The following GARNL3 variants were observed in gnomAD, a reference collection of about 807,000 sequenced individuals.
GARNL3 encodes the protein GTPase-activating Rap/Ran-GAP domain-like protein 3.
GARNL3 carries 63 observed loss-of-function variants against 125.0 expected under a neutral mutation model. The observed-to-expected ratio is 0.50, with a 90% confidence interval of 0.41 to 0.62. The LOEUF is 0.62. GARNL3 is among the 20% of genes least tolerant of loss of function. GARNL3 has a pLI of 0.00. For synonymous variants in GARNL3, 439 were observed against 457.5 expected (o/e 0.96, Z 0.52); for missense variants, 994 against 1,244.0 (o/e 0.80, Z 3.02).
intron 2 of GARNL3, among the ~76,000 whole-genome samples, chr9:127,297,329 G>A (rs1681302921): frequency 6.6e-6 from 1 of 151,964 alleles, no homozygotes; most frequent in African/African-American, 2.4e-5. Flanking sequence ...TGTAGAGATG[G>A]GGTTTTGCCA....
intron 2 of GARNL3, among the ~76,000 whole-genome samples, chr9:127,297,593 C>T (rs2064641741): frequency 6.6e-6 from 1 of 152,178 alleles, no homozygotes; most frequent in South Asian, 2.1e-4. Context: ...CATGAAGTCA[C>T]ATGTGTTGAT....
At chr9:127,292,021 A>G (rs2064436397) in intron 2 of GARNL3, among the ~76,000 whole-genome samples, 1 of 152,120 alleles carries the variant, frequency 6.6e-6, no homozygotes, top group African/African-American at 2.4e-5. Context: ...AGTAAGCTTC[A>G]GAAGTGCTAG....
At chr9:127,303,075 C>T (rs934072254) in intron 2 of GARNL3, among the ~76,000 whole-genome samples, 5 of 151,972 alleles carry the variant, frequency 3.3e-5, no homozygotes, top group African/African-American at 9.7e-5. Context: ...GGCGTGAACC[C>T]GGGAGGCAGA....
At chr9:127,339,003 A>G (rs1829704447) in intron 12 of GARNL3, among the ~76,000 whole-genome samples, 1 of 152,228 alleles carries the variant, frequency 6.6e-6, no homozygotes, top group Non-Finnish European at 1.5e-5. Flanking sequence ...GGGAAGAAAA[A>G]GAGGTTTAAT....
intron 1 of GARNL3, among the ~76,000 whole-genome samples, chr9:127,235,726 A>T (rs2063099009): frequency 6.6e-6 from 1 of 152,178 alleles, no homozygotes; most frequent in African/African-American, 2.4e-5. Flanking sequence ...AAGAACTAAG[A>T]GTTGACCACT....
intron 9 of GARNL3, 136 bp downstream of exon 9, chr9:127,333,257 CTG>C (rs1829366006): frequency 4.5e-6 from 3 of 666,482 alleles, no homozygotes; most frequent in Admixed American, 5.4e-5. Context: ...GCTCCACACC[CTG>C]TTCAACATAG....
chr9:127,373,612 C>T (rs117437489), intron 22 of GARNL3, among the ~76,000 whole-genome samples: 2,319 of 152,208 alleles, frequency 0.015, 21 homozygotes, highest in Non-Finnish European at 0.024. Flanking sequence ...AAAAAAAGAA[C>T]ATCAAAGCCT....
intron 1 of GARNL3, among the ~76,000 whole-genome samples, chr9:127,286,336 T>C (rs2064248403): frequency 6.6e-6 from 1 of 152,210 alleles, no homozygotes; most frequent in African/African-American, 2.4e-5. Flanking sequence ...CTACCTTCAC[T>C]AGTAGTTCTC....
chr9:127,320,855 T>A, intron 6 of GARNL3, 77 bp downstream of exon 6: 1 of 998,028 alleles, frequency 1.0e-6, no homozygotes. Context: ...GTCATCATAA[T>A]CCTTATCCTG....
intron 14 of GARNL3, among the ~76,000 whole-genome samples, chr9:127,343,243 G>A (rs1158560014): frequency 6.6e-6 from 1 of 152,160 alleles, no homozygotes; most frequent in Non-Finnish European, 1.5e-5. Flanking sequence ...TGTCTGGTCG[G>A]TGTACCCCAA....
chr9:127,299,259 G>A (rs1239038472), intron 2 of GARNL3, among the ~76,000 whole-genome samples: 1 of 148,824 alleles, frequency 6.7e-6, no homozygotes, highest in African/African-American at 2.5e-5. Flanking sequence ...GGAGCTTGCA[G>A]TCAGCACCAC....
At position 127,387,331 on chromosome 9, in the gene GARNL3, G is replaced by T; in HGVS notation, c.2527G>T (p.Gly843Cys). Residue 843 changes from glycine (G) to cysteine (C), a missense_variant and splice_region_variant, in exon 25 of 28, where the codon GGT becomes TGT. By Grantham distance (159) the Gly-to-Cys change is radical. Around this residue, in one of 5 missense-constraint regions of GARNL3, gnomAD observed 728 missense variants for 865.7 expected, o/e 0.84. Transcript: ENST00000373387. ...TPVFPSSLGE[G>C]EIQSKNLYKI... ...AGTATTTCCTTCTTCCCTGGGGGAA[G>T]GTGAAGTCCAAGTTTTACTGTTTTA... 6.2e-7 allele frequency: 1 copy of T among 1,608,532 alleles called. No individual in the cohort carries two copies. Among genetic ancestry groups the T allele is most frequent in the Non-Finnish European group, 8.5e-7 (1 of 1,178,244 alleles).
In GARNL3 at chr9:127,385,003, G is replaced by A; in HGVS notation, c.2270-24G>A. Reference sequence around the variant, plus strand: ...GCGGCCACCAAGCCAGCAGCTGGGAGGTGACACTCCCGTTCCCTTGCAGTC... The same window carrying A: ...GCGGCCACCAAGCCAGCAGCTGGGAAGTGACACTCCCGTTCCCTTGCAGTC... On this transcript the variant is annotated intron_variant, in intron 23 of 27. Transcript: ENST00000373387. The surrounding 1 kb of genome is among the most constrained non-coding windows in gnomAD (Gnocchi z 4.1). 1 of 1,488,246 alleles carries A rather than the reference G, an allele frequency of 6.7e-7. No homozygotes were observed. Among genetic ancestry groups the A allele is most frequent in the South Asian group, 1.2e-5 (1 of 85,338 alleles). 92.2% of individuals were successfully genotyped at this position (1,488,246 alleles called of 1,614,324 possible). A position where few individuals can be genotyped will look rare whatever the true frequency, so the allele number is the denominator to read the frequency against.
intron 2 of GARNL3, among the ~76,000 whole-genome samples, chr9:127,247,651 T>G (rs2063326818): frequency 1.3e-5 from 2 of 152,216 alleles, no homozygotes; most frequent in African/African-American, 4.8e-5. Context: ...TTTTTGTGGG[T>G]ACATAGTAGG....
At chr9:127,231,056 T>G (rs1188687204) in intron 1 of GARNL3, among the ~76,000 whole-genome samples, 5 of 79,292 alleles carry the variant, frequency 6.3e-5, no homozygotes, top group African/African-American at 1.3e-4. Context: ...ATATATTTTT[T>G]TTTTTTTTTT....
chr9:127,317,163 G>T (rs61375463), intron 4 of GARNL3, among the ~76,000 whole-genome samples: 115 of 152,202 alleles, frequency 7.6e-4, no homozygotes, highest in African/African-American at 2.7e-3. Flanking sequence ...AATCACTTAG[G>T]CAATTCTTCA....
chr9:127,318,269 A>G (rs2065295681), intron 5 of GARNL3, 142 bp downstream of exon 5: 5 of 678,838 alleles, frequency 7.4e-6, no homozygotes, highest in African/African-American at 1.8e-5. Context: ...ACTTGACATG[A>G]CGTGCATCAC....
chr9:127,328,919 G>C, intron 7 of GARNL3, among the ~76,000 whole-genome samples: 1 of 152,192 alleles, frequency 6.6e-6, no homozygotes, highest in East Asian at 1.9e-4. Flanking sequence ...GAATGTCTGA[G>C]CAAGACTTAC....
chr9:127,382,388 A>G (rs1832311905), intron 22 of GARNL3, among the ~76,000 whole-genome samples: 1 of 152,246 alleles, frequency 6.6e-6, no homozygotes, highest in East Asian at 1.9e-4. Flanking sequence ...AGGCTGAGAC[A>G]AGAGGATTGC....
Sources: allele counts gnomAD v4.1 joint callset (sites outside exome capture counted in the v4.1 genomes callset), GRCh38; gene constraint gnomAD v4.1.1; regional missense constraint gnomAD v4.1.1; non-coding constraint Gnocchi (gnomAD v3.1); transcripts MANE v1.5; gene names NCBI Gene and HGNC (gene_info 2026-07-23, HGNC 2026-07-21).